The following AP3B1 variants were observed in gnomAD, a reference collection of about 807,000 sequenced individuals.
AP3B1 encodes adaptor related protein complex 3 subunit beta 1.
In AP3B1, 61 loss-of-function variants were observed where a neutral mutation model predicts 132.5. The ratio of observed to expected loss-of-function variants is 0.46; its 90% CI spans 0.37 to 0.57. AP3B1 has a LOEUF of 0.57. AP3B1 is among the 20% of genes least tolerant of loss of function. The pLI is 0.00. For missense variants in AP3B1, 1,120 were observed against 1,289.4 expected (o/e 0.87, Z 2.01); for synonymous variants, 388 against 438.3 (o/e 0.89, Z 1.43).
intron 2 of AP3B1, among the ~76,000 whole-genome samples, chr5:78,263,838 C>T (rs10043485): frequency 0.24 from 36,262 of 152,004 alleles, 5,154 homozygotes; most frequent in Non-Finnish European, 0.32. Flanking sequence ...AGTCGTGCCA[C>T]GTTTTGGTCA....
At chr5:78,064,252 C>T (rs902611789) in intron 22 of AP3B1, among the ~76,000 whole-genome samples, 22 of 151,444 alleles carry the variant, frequency 1.5e-4, no homozygotes, top group Admixed American at 2.6e-4. Flanking sequence ...TTATATGATT[C>T]CTTAAGAAGC....
rs150635646 is a variant in AP3B1, at chr5:78,247,318, A to G, written c.205-6382T>C. Among the ~76,000 whole-genome samples, 730 of 149,240 alleles carry G rather than the reference A, an allele frequency of 4.9e-3. 4 individuals are homozygous for G. Among genetic ancestry groups the G allele is most frequent in the Middle Eastern group, 0.025 (7 of 280 alleles). On this transcript the variant is annotated intron_variant, in intron 2 of 26. Coordinates refer to ENST00000255194, the MANE Select transcript of AP3B1 (RefSeq NM_003664.5). ...TAATAATATAGATAATAATAATAAA[A>G]AGAATGTATATTTCGCTACTGTTGA...
intron 1 of AP3B1, among the ~76,000 whole-genome samples, chr5:78,290,877 A>G (rs10055610): frequency 0.23 from 35,162 of 152,082 alleles, 4,657 homozygotes; most frequent in Middle Eastern, 0.31. Flanking sequence ...TTGAGCCCAG[A>G]TGGTTGAGGC....
At chr5:78,194,376 A>G (rs1469311589) in intron 7 of AP3B1, among the ~76,000 whole-genome samples, 1 of 152,220 alleles carries the variant, frequency 6.6e-6, no homozygotes, top group African/African-American at 2.4e-5. Context: ...GTTTAAAAAA[A>G]TCAATTATTA....
intron 20 of AP3B1, among the ~76,000 whole-genome samples, chr5:78,106,731 C>T (rs570347232): frequency 5.9e-5 from 9 of 152,116 alleles, no homozygotes; most frequent in South Asian, 2.1e-4. Flanking sequence ...TGAGAAATAA[C>T]GCACAGAACA....
chr5:78,216,593 G>C (rs1561482750), intron 6 of AP3B1, among the ~76,000 whole-genome samples: 1 of 152,060 alleles, frequency 6.6e-6, no homozygotes, highest in Non-Finnish European at 1.5e-5. Context: ...TCAGTACTTT[G>C]TTCATAATAT....
At chr5:78,010,802 T>C (rs1270614750) in intron 26 of AP3B1, among the ~76,000 whole-genome samples, 1 of 152,190 alleles carries the variant, frequency 6.6e-6, no homozygotes, top group Non-Finnish European at 1.5e-5. Flanking sequence ...GGATACACTT[T>C]ATTTATGTAT....
intron 1 of AP3B1, among the ~76,000 whole-genome samples, chr5:78,273,171 G>A (rs1044907885): frequency 6.6e-6 from 1 of 150,642 alleles, no homozygotes; most frequent in African/African-American, 2.4e-5. Flanking sequence ...TTGGGAGGCC[G>A]AGGCTAGTGG....
chr5:78,243,716 G>A (rs1362990878), intron 2 of AP3B1, among the ~76,000 whole-genome samples: 1 of 152,210 alleles, frequency 6.6e-6, no homozygotes, highest in Non-Finnish European at 1.5e-5. Flanking sequence ...AGGGACCCAT[G>A]TGACTAGCTA....
At chr5:78,052,056 T>C (rs1187473085) in intron 22 of AP3B1, among the ~76,000 whole-genome samples, 1 of 151,414 alleles carries the variant, frequency 6.6e-6, no homozygotes, top group African/African-American at 2.5e-5. Context: ...AACTCTTACA[T>C]ATAAGCACAG....
At chr5:78,022,946 A>G (rs1423174890) in intron 24 of AP3B1, among the ~76,000 whole-genome samples, 1 of 152,228 alleles carries the variant, frequency 6.6e-6, no homozygotes, top group African/African-American at 2.4e-5. Flanking sequence ...TCACACAGCT[A>G]GTAACTGACA....
rs186964650 is a variant in AP3B1 at position 78,067,458 on chromosome 5, C to T, written c.2577+21935G>A. Among the ~76,000 whole-genome samples the T allele has an allele frequency of 1.4e-3, 208 of 152,330 alleles. 1 individual carries two copies. Among genetic ancestry groups the T allele is most frequent in the Non-Finnish European group, 2.4e-3 (161 of 68,028 alleles). ...TACAGAACTCTCCACCCCAAAACAA[C>T]AGAATATACATTCTTCTCAGTGCCA... is the stretch of plus-strand genomic sequence containing the variant. On this transcript the variant is annotated intron_variant, in intron 22 of 26. Coordinates refer to ENST00000255194, the MANE Select transcript of AP3B1 (RefSeq NM_003664.5).
intron 13 of AP3B1, among the ~76,000 whole-genome samples, chr5:78,160,912 C>T (rs1743362029): frequency 6.6e-6 from 1 of 151,424 alleles, no homozygotes; most frequent in Non-Finnish European, 1.5e-5. Context: ...GTGATACAGA[C>T]ATAATTAATC....
Position 78,129,221 on chromosome 5 carries a change from C to G in AP3B1, c.1737G>C (p.Gln579His), listed in dbSNP as rs757532423. The G allele has an allele frequency of 6.2e-7, 1 of 1,613,082 alleles. No homozygotes were observed. The highest frequency in any genetic ancestry group is 8.5e-7 in the Non-Finnish European group (1 of 1,179,216). Reference sequence around the variant, plus strand: ...CACTCTTTACATTCGGAACAATAAGCTGCCTAATAAATCTTGTACGGTCTC... The same window carrying G: ...CACTCTTTACATTCGGAACAATAAGGTGCCTAATAAATCTTGTACGGTCTC... ...DIRDRTRFIRQLIVPNVKSGA... is the reference protein window; with the variant it reads ...DIRDRTRFIRHLIVPNVKSGA... The change falls in exon 16 of 27, where the codon CAG becomes CAC. Residue 579 changes from glutamine (Q) to histidine (H), a missense_variant. By Grantham distance (24) the Gln-to-His change is conservative. Around this residue, in one of 3 missense-constraint regions of AP3B1, gnomAD observed 906 missense variants for 997.1 expected, o/e 0.91. Coordinates refer to ENST00000255194, the MANE Select transcript of AP3B1 (RefSeq NM_003664.5).
intron 14 of AP3B1, among the ~76,000 whole-genome samples, chr5:78,149,125 TA>T (rs369397558): frequency 6.6e-6 from 1 of 151,870 alleles, no homozygotes; most frequent in Non-Finnish European, 1.5e-5. Context: ...AAGGAAATAA[TA>T]AAAAAAACCT....
chr5:78,105,956 A>G (rs1689856619), intron 20 of AP3B1, among the ~76,000 whole-genome samples: 1 of 152,196 alleles, frequency 6.6e-6, no homozygotes, highest in Non-Finnish European at 1.5e-5. Context: ...TCCCATTCAC[A>G]TGAGTGATAC....
chr5:78,205,451 A>G (rs1411599026), intron 7 of AP3B1, among the ~76,000 whole-genome samples: 1 of 151,898 alleles, frequency 6.6e-6, no homozygotes, highest in Non-Finnish European at 1.5e-5. Context: ...ATACACACAC[A>G]CACGCACACA....
intron 26 of AP3B1, among the ~76,000 whole-genome samples, chr5:78,008,030 G>T (rs1746470152): frequency 6.6e-6 from 1 of 152,034 alleles, no homozygotes; most frequent in Non-Finnish European, 1.5e-5. Context: ...CTTCAGAGAT[G>T]GTATAAAAAA....
chr5:78,043,931 GC>G, intron 22 of AP3B1: 3 of 336,830 alleles, frequency 8.9e-6, no homozygotes, highest in Non-Finnish European at 1.8e-5. Flanking sequence ...TTAACTTCCA[GC>G]TCTTTACCAT....
Sources: gnomAD v4.1 joint callset for allele counts (sites outside exome capture counted in the v4.1 genomes callset) on GRCh38, gnomAD v4.1.1 for gene constraint, gnomAD v4.1.1 regional missense constraint, MANE v1.5 for transcripts, NCBI Gene and HGNC (gene_info 2026-07-23, HGNC 2026-07-21) for gene names.